ARMC9: variants seen among roughly 807,000 people sequenced by gnomAD.
ARMC9 encodes the protein armadillo repeat containing 9, also known as lisH domain-containing protein ARMC9.
In ARMC9, 94 loss-of-function variants were observed where a neutral mutation model predicts 107.0. The observed-to-expected ratio is 0.88, with a 90% CI of 0.74 to 1.04. ARMC9 has a LOEUF of 1.04. ARMC9 is among the 50% of genes least tolerant of loss of function. The pLI, the probability that ARMC9 is intolerant of heterozygous loss-of-function variation, is 0.00. For missense variants in ARMC9, 942 were observed against 1,030.1 expected (o/e 0.91, Z 1.17); for synonymous variants, 380 against 396.9 (o/e 0.96, Z 0.51).
chr2:231,262,184 T>TA, intron 11 of ARMC9, 122 bp from the exon 12 acceptor site: 1 of 915,134 alleles, frequency 1.1e-6, no homozygotes, highest in Non-Finnish European at 1.8e-6. Flanking sequence ...AGCTGGATAT[T>TA]ACTTATTTTG....
chr2:231,199,803 C>T (rs2030491222), intron 1 of ARMC9, among the ~76,000 whole-genome samples: 1 of 152,086 alleles, frequency 6.6e-6, no homozygotes, highest in African/African-American at 2.4e-5. Flanking sequence ...TCAAGCGATT[C>T]TCTTGCCTCA....
chr2:231,330,837 G>A (rs1042824589), intron 19 of ARMC9, among the ~76,000 whole-genome samples: 1 of 147,418 alleles, frequency 6.8e-6, no homozygotes, highest in Non-Finnish European at 1.5e-5. Context: ...TTTGGCTAAA[G>A]GAAGCAGGCT....
intron 17 of ARMC9, chr2:231,288,528 G>A (rs1156890665): frequency 7.1e-6 from 3 of 423,336 alleles, no homozygotes; most frequent in East Asian, 7.4e-5. Flanking sequence ...AAGCTGGAAC[G>A]ATAGAATGCG....
Position 231,297,880 on chromosome 2 carries a change from C to T in ARMC9, c.1773+1627C>T, listed in dbSNP as rs17625552. Among the ~76,000 whole-genome samples the T allele has an allele frequency of 0.053, 8,007 of 152,124 alleles. 508 individuals are homozygous for T. Among genetic ancestry groups the T allele is most frequent in the South Asian group, 0.25 (1,213 of 4,820 alleles). ...TAAAGTTTGTCTCGAGATCTGTTTTCTTCCCTTCTTGTATCATCCCTTTGG... is the reference window on the plus strand; with the variant it reads ...TAAAGTTTGTCTCGAGATCTGTTTTTTTCCCTTCTTGTATCATCCCTTTGG... On this transcript the variant is annotated intron_variant, in intron 19 of 24. Transcript: ENST00000611582. The surrounding 1 kb of genome is among the most constrained non-coding windows in gnomAD (Gnocchi z 4.2).
intron 8 of ARMC9, 98 bp downstream of exon 8, chr2:231,235,479 C>T: frequency 7.2e-7 from 1 of 1,388,536 alleles, no homozygotes; most frequent in East Asian, 2.4e-5. Context: ...CTGCCTCTCT[C>T]CATTCCAAGC....
chr2:231,289,250 T>G (rs2125467169), intron 17 of ARMC9, among the ~76,000 whole-genome samples: 1 of 152,280 alleles, frequency 6.6e-6, no homozygotes, highest in African/African-American at 2.4e-5. Context: ...GAAGACTACT[T>G]GAGCCCAGGA....
intron 9 of ARMC9, among the ~76,000 whole-genome samples, chr2:231,252,247 G>A (rs76468026): frequency 1.6e-3 from 245 of 152,138 alleles, no homozygotes; most frequent in African/African-American, 5.4e-3. Context: ...ATATATTATG[G>A]TAATATTTTA....
intron 19 of ARMC9, among the ~76,000 whole-genome samples, chr2:231,331,182 C>T (rs2043706763): frequency 2.0e-5 from 3 of 152,136 alleles, no homozygotes; most frequent in African/African-American, 7.2e-5. Flanking sequence ...CAGCTGTCAT[C>T]CTTGGGTCTC....
intron 12 of ARMC9, among the ~76,000 whole-genome samples, chr2:231,264,515 G>T (rs1300996139): frequency 6.9e-6 from 1 of 144,558 alleles, no homozygotes; most frequent in African/African-American, 2.6e-5. Context: ...TATTTATTTT[G>T]AGATGGGGTT....
Position 231,227,082 on chromosome 2 carries a change from C to A in ARMC9, c.622+284C>A, listed in dbSNP as rs544701104. ...GGTAACTGCAGCAGCAGCACATTTT[C>A]CCTAGAAGGTGTAGGGCAGCATGGG... On this transcript the variant is annotated intron_variant, in intron 7 of 24. Coordinates refer to ENST00000611582, the MANE Select transcript of ARMC9 (RefSeq NM_001352754.2). Among the ~76,000 whole-genome samples the A allele has an allele frequency of 3.3e-5, 5 of 152,244 alleles. No individual in the cohort carries two copies. In the East Asian group the frequency reaches 5.8e-4, roughly 18 times the overall value.
chr2:231,270,266 C>CAG (rs1320800539), intron 12 of ARMC9, among the ~76,000 whole-genome samples: 1 of 152,214 alleles, frequency 6.6e-6, no homozygotes, highest in Non-Finnish European at 1.5e-5. Context: ...CCTTGCTCTC[C>CAG]TCTGCCTGGT....
intron 3 of ARMC9, among the ~76,000 whole-genome samples, chr2:231,212,941 A>G (rs529116759): frequency 3.3e-5 from 5 of 152,338 alleles, no homozygotes; most frequent in African/African-American, 7.2e-5. Flanking sequence ...GGCAGTATTC[A>G]GAGACAGTTC....
In ARMC9 at chr2:231,376,442, G is replaced by A. The variant is rs777700516; in HGVS notation, c.*4907G>A. Among the ~76,000 whole-genome samples, 10 of 152,028 alleles carry A rather than the reference G, an allele frequency of 6.6e-5. No homozygotes were observed. Among genetic ancestry groups the A allele is most frequent in the East Asian group, 1.9e-4 (1 of 5,190 alleles). ...GCCCCCCTCCCCCGGGGGCGTGGTC[G>A]TCTCTTATGGTCGAGGCTGCAGAGA... On this transcript the variant is annotated 3_prime_UTR_variant, in exon 25 of 25. Coordinates refer to ENST00000611582, the MANE Select transcript of ARMC9 (RefSeq NM_001352754.2).
At chr2:231,257,308 G>A (rs2037918676) in intron 10 of ARMC9, among the ~76,000 whole-genome samples, 2 of 152,214 alleles carry the variant, frequency 1.3e-5, no homozygotes, top group South Asian at 2.1e-4. Flanking sequence ...CCCTGTGTAT[G>A]CCTGAGCACT....
chr2:231,365,001 G>A (rs565081122), intron 23 of ARMC9, among the ~76,000 whole-genome samples: 34 of 152,304 alleles, frequency 2.2e-4, no homozygotes, highest in African/African-American at 7.7e-4. Flanking sequence ...TGGGGTGGAC[G>A]GCTGTTGGTA....
chr2:231,308,869 C>T lies in ARMC9; in HGVS notation c.1773+12616C>T, dbSNP rs536712308. On this transcript the variant is annotated intron_variant, in intron 19 of 24. Transcript: ENST00000611582. ...CAGAGAGCCAGAGGCTAGCTGCTCT[C>T]CATGAATCAGTCACCTCTGATGGGT... is the stretch of plus-strand genomic sequence containing the variant. 3.0e-4 allele frequency among the ~76,000 whole-genome samples: 46 copies of T among 152,356 alleles called. 1 individual carries two copies. In the South Asian group the frequency reaches 9.5e-3, roughly 32 times the overall value.
intron 9 of ARMC9, among the ~76,000 whole-genome samples, chr2:231,246,125 G>A (rs2036740935): frequency 6.6e-6 from 1 of 152,156 alleles, no homozygotes; most frequent in African/African-American, 2.4e-5. Context: ...TTAGAAAGAT[G>A]CCCATTTGAG....
intron 19 of ARMC9, among the ~76,000 whole-genome samples, chr2:231,304,100 C>G (rs1032687793): frequency 4.6e-5 from 7 of 151,714 alleles, no homozygotes; most frequent in Non-Finnish European, 7.4e-5. Flanking sequence ...TGTGGTGGCG[C>G]ACGCCTGTAG....
In ARMC9 at chr2:231,373,591, C is replaced by T. The variant is rs1003327115; in HGVS notation, c.*2056C>T. 1 of 152,258 alleles carries T rather than the reference C, an allele frequency of 6.6e-6. No individual in the cohort carries two copies. The highest frequency in any genetic ancestry group is 2.4e-5 in the African/African-American group (1 of 41,536). The allele number at this position is 152,258 out of a possible 1,614,324, so 9.4% of individuals were successfully genotyped here. On this transcript the variant is annotated 3_prime_UTR_variant, in exon 25 of 25. Transcript: ENST00000611582. The surrounding 1 kb of genome is among the most constrained non-coding windows in gnomAD (Gnocchi z 4.4). ...TTTTAGAGAAGTGGGGAGTATCCAA[C>T]TTAGGGTCAAAATACACTGAGATTA... is the stretch of plus-strand genomic sequence containing the variant.
Sources: allele counts gnomAD v4.1 joint callset (sites outside exome capture counted in the v4.1 genomes callset), GRCh38; gene constraint gnomAD v4.1.1; non-coding constraint Gnocchi (gnomAD v3.1); transcripts MANE v1.5; gene names NCBI Gene and HGNC (gene_info 2026-07-23, HGNC 2026-07-21).